The following THSD4 variants were observed in gnomAD, a reference collection of about 807,000 sequenced individuals.
THSD4 encodes the protein thrombospondin type-1 domain-containing protein 4.
Under a neutral mutation model 119.0 loss-of-function variants are expected in THSD4, and 69 were observed. That is an observed-to-expected ratio of 0.58 (90% confidence interval 0.48 to 0.71). The LOEUF is 0.71. Ranked by LOEUF, THSD4 falls within the 30% of genes least tolerant of loss-of-function variation. The pLI is 0.00. For missense variants in THSD4, 1,393 were observed against 1,391.1 expected, an observed-to-expected ratio of 1.00 and a Z score of -0.02; for synonymous variants, 524 against 540.4, an observed-to-expected ratio of 0.97 and a Z score of 0.42.
At chr15:71,309,180 G>A (rs1276744869) in intron 6 of THSD4, among the ~76,000 whole-genome samples, 3 of 152,270 alleles carry the variant, frequency 2.0e-5, no homozygotes, top group African/African-American at 2.4e-5. Context: ...GAACTCCTGA[G>A]CTCAGGCAAT....
At chr15:71,587,787 TAAAAAAAAAAAAGAAAAA>T (rs201370947) in intron 7 of THSD4, among the ~76,000 whole-genome samples, 11,260 of 105,668 alleles carry the variant, frequency 0.11, 1,072 homozygotes, top group East Asian at 0.48. Flanking sequence ...AAAAAAAAAT[TAAAAAAAAAAAAGAAAAA>T]AAAAAAAGAA....
rs1184457820 is a variant in THSD4 at position 71,332,891 on chromosome 15, C to CTTTTTTTT, written c.1015+76176_1015+76177insTTTTTTTT. 3.3e-3 allele frequency among the ~76,000 whole-genome samples: 125 copies of CTTTTTTTT among 38,012 alleles called. 2 individuals are homozygous for CTTTTTTTT. The highest frequency in any genetic ancestry group is 3.9e-3 in the Admixed American group (9 of 2,284). 24.9% of individuals were successfully genotyped at this position (38,012 alleles called of 152,430 possible). On this transcript the variant is annotated intron_variant, in intron 6 of 17. Coordinates refer to ENST00000261862, the MANE Select transcript of THSD4 (RefSeq NM_024817.3). The stretch of plus-strand genomic sequence containing the variant: ...TTCTTAAAACATTGAGATTTTTTTA[C>CTTTTTTTT]ATTTTTTTTTTTTTTTTAGTTCATC...
At chr15:71,654,348 T>A in intron 7 of THSD4, among the ~76,000 whole-genome samples, 1 of 152,176 alleles carries the variant, frequency 6.6e-6, no homozygotes, top group East Asian at 1.9e-4. Flanking sequence ...CAGGCATAAG[T>A]GTTAGAAGAT....
intron 6 of THSD4, chr15:71,341,526 A>T (rs781778744): frequency 1.2e-6 from 2 of 1,611,846 alleles, no homozygotes; most frequent in South Asian, 2.2e-5. Flanking sequence ...CCACCGTTGT[A>T]ATGTCGGAAT....
intron 7 of THSD4, among the ~76,000 whole-genome samples, chr15:71,568,658 G>C (rs577260616): frequency 6.7e-6 from 1 of 148,466 alleles, no homozygotes; most frequent in South Asian, 2.1e-4. Context: ...TGTCACATAT[G>C]TATACATGTG....
chr15:71,366,645 T>C (rs1039210621), intron 6 of THSD4, among the ~76,000 whole-genome samples: 3 of 152,206 alleles, frequency 2.0e-5, no homozygotes, highest in Admixed American at 6.5e-5. Flanking sequence ...AATCCTCTTA[T>C]GTGGGATTTC....
intron 15 of THSD4, among the ~76,000 whole-genome samples, chr15:71,764,021 C>T (rs1188087179): frequency 1.3e-5 from 2 of 152,002 alleles, no homozygotes; most frequent in African/African-American, 4.8e-5. Context: ...GAGCCAAGAT[C>T]ACTCCGCTGC....
chr15:71,660,619 G>T lies in THSD4; in HGVS notation c.1242G>T (p.Val414=), dbSNP rs1200076740. The T allele has an allele frequency of 1.2e-6, 2 of 1,614,088 alleles. No homozygotes were observed. The highest frequency in any genetic ancestry group is 1.7e-6 in the Non-Finnish European group (2 of 1,180,030). ...CGGDNTGCQV[V]SGVFKHALTS... is the part of the protein sequence containing the mutation. Reference sequence around the variant, plus strand: ...GAGACAACACGGGCTGTCAGGTTGTGTCGGGCGTGTTTAAGCATGCCCTCA... The same window carrying T: ...GAGACAACACGGGCTGTCAGGTTGTTTCGGGCGTGTTTAAGCATGCCCTCA... The change falls in exon 8 of 18, where the codon GTG becomes GTT. Residue 414 remains valine (V), a synonymous_variant. Transcript: ENST00000261862.
At chr15:71,625,679 C>G (rs2050495057) in intron 7 of THSD4, among the ~76,000 whole-genome samples, 1 of 152,198 alleles carries the variant, frequency 6.6e-6, no homozygotes, top group South Asian at 2.1e-4. Flanking sequence ...AAGCATTGGT[C>G]TCTTTTATTC....
At chr15:71,438,975 G>C (rs1198674016) in intron 7 of THSD4, among the ~76,000 whole-genome samples, 1 of 152,172 alleles carries the variant, frequency 6.6e-6, no homozygotes, top group Non-Finnish European at 1.5e-5. Context: ...TTACAATCAT[G>C]AAAAGCATTC....
intron 6 of THSD4, among the ~76,000 whole-genome samples, chr15:71,303,063 C>T (rs2044974496): frequency 6.6e-6 from 1 of 151,796 alleles, no homozygotes; most frequent in Non-Finnish European, 1.5e-5. Flanking sequence ...AGCTCCTCAC[C>T]ATGCTTTCCT....
intron 1 of THSD4, among the ~76,000 whole-genome samples, chr15:71,117,046 G>A (rs555591872): frequency 6.6e-6 from 1 of 152,024 alleles, no homozygotes; most frequent in Admixed American, 6.6e-5. Flanking sequence ...AATCTCTGCA[G>A]GGCTGGAGCA....
chr15:71,353,225 C>T (rs989437528), intron 6 of THSD4, among the ~76,000 whole-genome samples: 8 of 152,174 alleles, frequency 5.3e-5, no homozygotes, highest in African/African-American at 1.9e-4. Context: ...TCAGGGATGT[C>T]ACTCCGAGAA....
At chr15:71,632,389 T>C (rs1237708371) in intron 7 of THSD4, among the ~76,000 whole-genome samples, 1 of 152,180 alleles carries the variant, frequency 6.6e-6, no homozygotes, top group African/African-American at 2.4e-5. Flanking sequence ...TCTCTCCAGG[T>C]GTTACCGGGT....
chr15:71,186,272 A>G lies in THSD4; in HGVS notation c.100-28763A>G, dbSNP rs1226972339. On this transcript the variant is annotated intron_variant, in intron 3 of 17. Coordinates refer to ENST00000261862, the MANE Select transcript of THSD4 (RefSeq NM_024817.3). ...AAATACAAAGACATGGAGGAAATGG[A>G]TGAGATGACCTTTGTGTGCCAGGGT... The G allele has an allele frequency of 3.9e-5, 6 of 152,378 alleles. No individual in the cohort carries two copies. The East Asian group carries it at 1.2e-3, about 30-fold the overall frequency. The allele number at this position is 152,378 out of a possible 1,614,324, so 9.4% of individuals were successfully genotyped here.
rs1437759955 is a variant in THSD4, at chr15:71,626,338, A to C, written c.1153-34192A>C. ...TTATTTCCTTCCTGTGTGTTATTGC[A>C]CTTATATCTTATTGAACAACATGGT... On this transcript the variant is annotated intron_variant, in intron 7 of 17. Transcript: ENST00000261862. 3.2e-4 allele frequency among the ~76,000 whole-genome samples: 49 copies of C among 152,094 alleles called. 2 individuals are homozygous for C. The highest frequency in any genetic ancestry group is 3.1e-3 in the Admixed American group (48 of 15,270).
chr15:71,533,604 T>A (rs2048647291), intron 7 of THSD4, among the ~76,000 whole-genome samples: 2 of 152,236 alleles, frequency 1.3e-5, no homozygotes, highest in African/African-American at 4.8e-5. Context: ...TTTTGGCTCA[T>A]GTCCACGATT....
At chr15:71,577,001 T>C (rs2049459402) in intron 7 of THSD4, among the ~76,000 whole-genome samples, 1 of 152,108 alleles carries the variant, frequency 6.6e-6, no homozygotes, top group Admixed American at 6.6e-5. Context: ...AAATAGAATG[T>C]TTTATATAAT....
chr15:71,600,673 A>G (rs901662089), intron 7 of THSD4, among the ~76,000 whole-genome samples: 1 of 151,996 alleles, frequency 6.6e-6, no homozygotes, highest in Non-Finnish European at 1.5e-5. Flanking sequence ...CATTCTAGAC[A>G]CTACATTCTG....
Sources: allele counts gnomAD v4.1 joint callset (sites outside exome capture counted in the v4.1 genomes callset), GRCh38; gene constraint gnomAD v4.1.1; transcripts MANE v1.5; gene names NCBI Gene and HGNC (gene_info 2026-07-23, HGNC 2026-07-21).